The following LTK variants were observed in gnomAD, a reference collection of about 807,000 sequenced individuals.
LTK encodes leukocyte tyrosine kinase receptor.
LTK carries 117 observed loss-of-function variants against 101.5 expected under a neutral mutation model. The ratio of observed to expected loss-of-function variants is 1.15; its 90% confidence interval spans 0.99 to 1.34. The LOEUF (loss-of-function observed/expected upper bound fraction) is 1.34, where lower values mean the gene tolerates loss of function less well. LTK is among the 40% of genes most tolerant of loss of function. LTK has a pLI of 0.00. For synonymous variants in LTK, 563 were observed against 494.2 expected (o/e 1.14, Z -1.85); for missense variants, 1,252 against 1,164.7 (o/e 1.07, Z -1.09).
At chr15:41,510,500 C>T (rs970767914) in intron 7 of LTK, among the ~76,000 whole-genome samples, 1 of 151,890 alleles carries the variant, frequency 6.6e-6, no homozygotes, top group Non-Finnish European at 1.5e-5. Flanking sequence ...TCCCTCTTGT[C>T]GCCCAGGCTG....
chr15:41,513,269 C>A, intron 1 of LTK, 149 bp from the exon 2 acceptor site: 1 of 958,170 alleles, frequency 1.0e-6, no homozygotes, highest in Non-Finnish European at 1.5e-6. Context: ...AGCCACTACC[C>A]GACTCCGGTC....
Position 41,508,115 on chromosome 15 carries a change from C to T in LTK, c.1203G>A (p.Leu401=), listed in dbSNP as rs547736540. Residue 401 remains leucine, a synonymous_variant, in exon 9 of 20, where the codon CTG becomes CTA. Transcript: ENST00000263800. ...WQAELQLAEC[L]CPEGMELAVD... ...CAGCTAGCTCCATGCCTTCTGGGCA[C>T]AGGCATTCAGCCAGCTGGAGCTCTG... The T allele has an allele frequency of 1.2e-6, 2 of 1,613,412 alleles. No homozygotes were observed. The highest frequency in any genetic ancestry group is 4.5e-5 in the East Asian group (2 of 44,856).
At chr15:41,512,298 C>T (rs1566875530) in intron 3 of LTK, 33 bp from the exon 4 acceptor site, 1 of 1,586,666 alleles carries the variant, frequency 6.3e-7, no homozygotes, top group African/African-American at 1.4e-5. Context: ...CCCCGGCCTT[C>T]GGTGCTCAGG....
chr15:41,511,199 G>GCCCCGCCGCCGC lies in LTK; in HGVS notation c.950_961dup (p.Gly317_Gly320dup). On this transcript the variant is annotated inframe_insertion, in exon 7 of 20. Coordinates refer to ENST00000263800, the MANE Select transcript of LTK (RefSeq NM_002344.6). This position sits in a 1 kb window ranked among gnomAD's most constrained non-coding sequence, Gnocchi z 5.9. ...GCCGCCGCCTCCGCCCGCAGTGCAG[G>GCCCCGCCGCCGC]CCCCGCCGCCGCCCCCGAAGCCGCC... 6 of 1,394,748 alleles carry GCCCCGCCGCCGC rather than the reference G, an allele frequency of 4.3e-6. No individual in the cohort carries two copies. Among genetic ancestry groups the GCCCCGCCGCCGC allele is most frequent in the Non-Finnish European group, 5.5e-6 (6 of 1,081,348 alleles). The allele number at this position is 1,394,748 out of a possible 1,614,324, so 86.4% of individuals were successfully genotyped here. A position where few individuals can be genotyped will look rare whatever the true frequency, so the allele number is the denominator to read the frequency against.
intron 11 of LTK, 143 bp downstream of exon 11, chr15:41,506,951 TG>T: frequency 1.5e-6 from 1 of 683,008 alleles, no homozygotes. Context: ...CTTCCCCTTC[TG>T]GAGCTTCTCA....
Position 41,505,196 on chromosome 15 carries a change from A to G in LTK, c.1925+12T>C. The G allele has an allele frequency of 6.2e-7, 1 of 1,613,038 alleles. No homozygotes were observed. The highest frequency in any genetic ancestry group is 1.1e-5 in the South Asian group (1 of 90,944). ...TGGGATGGGGGTCCCCTGAGCCAGG[A>G]CTGCTCCTAACCTGTGGATGAAGTG... On this transcript the variant is annotated intron_variant, in intron 15 of 19. Transcript: ENST00000263800.
At position 41,505,083 on chromosome 15, in the gene LTK, A is replaced by C; in HGVS notation, c.1926-19T>G. On this transcript the variant is annotated intron_variant, in intron 15 of 19. Transcript: ENST00000263800. The stretch of plus-strand genomic sequence containing the variant: ...AATATCCCTACAGAGTAGGCAAAAA[A>C]AATCACTGCCAGAATCTAGAAGTTC... 6.2e-7 allele frequency: 1 copy of C among 1,602,132 alleles called. No individual in the cohort carries two copies. Among genetic ancestry groups the C allele is most frequent in the Non-Finnish European group, 8.5e-7 (1 of 1,172,468 alleles).
chr15:41,508,979 G>T, intron 8 of LTK, 52 bp downstream of exon 8: 1 of 1,272,982 alleles, frequency 7.9e-7, no homozygotes, highest in Non-Finnish European at 1.1e-6. Flanking sequence ...GTGGGCTCAG[G>T]GACTGCGGAA....
At chr15:41,513,244 C>A in intron 1 of LTK, 124 bp from the exon 2 acceptor site, 1 of 1,189,098 alleles carries the variant, frequency 8.4e-7, no homozygotes, top group South Asian at 1.5e-5. Flanking sequence ...GGCCCAGCCG[C>A]GCTCTCAGCC....
rs3784286 is a variant in LTK, at chr15:41,508,405, A to C, written c.1097-184T>G. 2.2e-3 allele frequency among the ~76,000 whole-genome samples: 329 copies of C among 151,358 alleles called. 9 individuals carry two copies. In the East Asian group the frequency reaches 0.06, roughly 27 times the overall value. On this transcript the variant is annotated intron_variant, in intron 8 of 19. Coordinates refer to ENST00000263800, the MANE Select transcript of LTK (RefSeq NM_002344.6). ...CCAACCCCGCCTCTACTAAAAATAC[A>C]AAATTAGCCGGGTGTGGTGGCGCAC...
At position 41,504,169 on chromosome 15, in the gene LTK, C is replaced by G; in HGVS notation, c.2422G>C (p.Gly808Arg). 2.5e-6 allele frequency: 4 copies of G among 1,613,856 alleles called. No individual in the cohort carries two copies. The highest frequency in any genetic ancestry group is 3.4e-6 in the Non-Finnish European group (4 of 1,179,906). Residue 808 changes from glycine to arginine, a missense_variant, in exon 20 of 20, where the codon GGG becomes CGG. Physicochemically the swap from Gly to Arg is moderately radical, Grantham distance 125. Coordinates refer to ENST00000263800, the MANE Select transcript of LTK (RefSeq NM_002344.6). ...CTTAGGCACTCCAAAGATCTGTTCC[C>G]CAGCCCAGAAGTCCCTTCCTCCTCT... ...TPEEEGTSGL[G>R]NRSLECLRPP...
chr15:41,504,749 A>AGGGGAGGGGAC, intron 17 of LTK, 24 bp downstream of exon 17: 1 of 1,599,668 alleles, frequency 6.3e-7, no homozygotes, highest in Non-Finnish European at 8.5e-7. Flanking sequence ...ACAGTGGGGA[A>AGGGGAGGGGAC]GGGGAGGGGA....
Position 41,511,037 on chromosome 15 carries a change from G to T in LTK, c.997+127C>A. The T allele has an allele frequency of 8.2e-7, 1 of 1,226,356 alleles. No homozygotes were observed. The highest frequency in any genetic ancestry group is 1.0e-6 in the Non-Finnish European group (1 of 972,726). 76.0% of individuals were successfully genotyped at this position (1,226,356 alleles called of 1,614,324 possible). A position where few individuals can be genotyped will look rare whatever the true frequency, so the allele number is the denominator to read the frequency against. On this transcript the variant is annotated intron_variant, in intron 7 of 19. Transcript: ENST00000263800. This position sits in a 1 kb window ranked among gnomAD's most constrained non-coding sequence, Gnocchi z 5.9. Reference sequence around the variant, plus strand: ...TTCTAAGAGCTCCTGCTTTTTGTTTGGAGCTGCTGAGCAGGGCTTAATGCC... The same window carrying T: ...TTCTAAGAGCTCCTGCTTTTTGTTTTGAGCTGCTGAGCAGGGCTTAATGCC...
chr15:41,504,436 G>T lies in LTK; in HGVS notation c.2256-4C>A, dbSNP rs890928350. 2 of 1,614,080 alleles carry T rather than the reference G, an allele frequency of 1.2e-6. No homozygotes were observed. Among genetic ancestry groups the T allele is most frequent in the Non-Finnish European group, 1.7e-6 (2 of 1,180,000 alleles). ...ACACTGGGTCATGATGCGGTACCTG[G>T]GGAGAGGCAGGAGTTCATGCCCACC... On this transcript the variant is annotated splice_region_variant and splice_polypyrimidine_tract_variant and intron_variant, in intron 18 of 19. Coordinates refer to ENST00000263800, the MANE Select transcript of LTK (RefSeq NM_002344.6).
rs368306708 is a variant in LTK at position 41,504,068 on chromosome 15, G to A, written c.2523C>T (p.Ser841=). The A allele has an allele frequency of 6.2e-7, 1 of 1,613,826 alleles. No homozygotes were observed. Among genetic ancestry groups the A allele is most frequent in the African/African-American group, 1.3e-5 (1 of 74,938 alleles). ...TGGATTTGAGGGGCTTGAGGCCAGAGGACAGCCAGGGGCCAAGAGGGCTAC... is the reference window on the plus strand; with the variant it reads ...TGGATTTGAGGGGCTTGAGGCCAGAAGACAGCCAGGGGCCAAGAGGGCTAC... The part of the protein sequence containing the change: ...WGGSPLGPWL[S]SGLKPLKSRG... Residue 841 remains serine, a synonymous_variant, in exon 20 of 20, where the codon TCC becomes TCT. Transcript: ENST00000263800.
At position 41,503,863 on chromosome 15, in the gene LTK, C is replaced by T. The variant is rs1009998069; in HGVS notation, c.*133G>A. ...AAGTGCAGCGCTGCCAGGCCAGCCC[C>T]GAGACAGGCCCAGACACACAGCACA... On this transcript the variant is annotated 3_prime_UTR_variant, in exon 20 of 20. Transcript: ENST00000263800. 1.4e-5 allele frequency: 16 copies of T among 1,126,370 alleles called. No individual in the cohort carries two copies. The highest frequency in any genetic ancestry group is 6.3e-5 in the African/African-American group (4 of 63,658). The allele number at this position is 1,126,370 out of a possible 1,614,324, so 69.8% of individuals were successfully genotyped here.
In LTK at chr15:41,505,913, AC is replaced by A; in HGVS notation, c.1632+1del. 1 of 1,613,076 alleles carries A rather than the reference AC, an allele frequency of 6.2e-7. No homozygotes were observed. The highest frequency in any genetic ancestry group is 8.5e-7 in the Non-Finnish European group (1 of 1,179,234). ...CCCAGCCAGAAGTCCCACTCCTCTC[AC>A]CTTGATAGCTACCTGCAGGGGACTG... is the stretch of plus-strand genomic sequence containing the variant. On this transcript the variant is annotated splice_donor_variant, in intron 12 of 19. Coordinates refer to ENST00000263800, the MANE Select transcript of LTK (RefSeq NM_002344.6). LOFTEE classifies it high-confidence loss of function.
rs2140712780 is a variant in LTK, at chr15:41,508,006, G to A, written c.1249+63C>T. 11 of 1,496,802 alleles carry A rather than the reference G, an allele frequency of 7.3e-6. No individual in the cohort carries two copies. The South Asian group carries it at 1.4e-4, about 19-fold the overall frequency. 92.7% of individuals were successfully genotyped at this position (1,496,802 alleles called of 1,614,324 possible). On this transcript the variant is annotated intron_variant, in intron 9 of 19. Coordinates refer to ENST00000263800, the MANE Select transcript of LTK (RefSeq NM_002344.6). ...AATCTCTATACCATCTTTCCCAGTGGCCTACTGCTCCTCCCAGTCTGTGAC... is the reference window on the plus strand; with the variant it reads ...AATCTCTATACCATCTTTCCCAGTGACCTACTGCTCCTCCCAGTCTGTGAC...
intron 11 of LTK, among the ~76,000 whole-genome samples, chr15:41,506,637 C>T (rs977171682): frequency 2.0e-5 from 3 of 151,986 alleles, no homozygotes; most frequent in African/African-American, 7.3e-5. Flanking sequence ...GTCGCCCTGG[C>T]TGGAGTGCAA....
Sources: allele counts gnomAD v4.1 joint callset (sites outside exome capture counted in the v4.1 genomes callset), GRCh38; gene constraint gnomAD v4.1.1; non-coding constraint Gnocchi (gnomAD v3.1); transcripts MANE v1.5; gene names NCBI Gene and HGNC (gene_info 2026-07-23, HGNC 2026-07-21).